Variants in CRTC3 observed in about 807,000 individuals in gnomAD.
The protein encoded by CRTC3 is CREB-regulated transcription coactivator 3.
Under a neutral mutation model 74.5 loss-of-function variants are expected in CRTC3, and 26 were observed. The ratio of observed to expected loss-of-function variants is 0.35; its 90% CI spans 0.26 to 0.48. The LOEUF is 0.48. CRTC3 is among the 20% of genes least tolerant of loss of function. CRTC3 has a pLI of 0.99. For missense variants in CRTC3, 760 were observed against 787.3 expected (o/e 0.97, Z 0.41); for synonymous variants, 377 against 325.8 (o/e 1.16, Z -1.69).
intron 2 of CRTC3, among the ~76,000 whole-genome samples, chr15:90,547,540 A>T (rs564703472): frequency 1.3e-5 from 2 of 152,292 alleles, no homozygotes; most frequent in South Asian, 2.1e-4. Context: ...AAGAACGTAG[A>T]CTTATCAGAT....
Position 90,644,700 on chromosome 15 carries a change from A to C in CRTC3, c.*2560A>C, listed in dbSNP as rs140165563. 2 of 232,640 alleles carry C rather than the reference A, an allele frequency of 8.6e-6. No individual in the cohort carries two copies. The highest frequency in any genetic ancestry group is 4.4e-5 in the African/African-American group (2 of 45,422). 14.4% of individuals were successfully genotyped at this position (232,640 alleles called of 1,614,324 possible). On this transcript the variant is annotated 3_prime_UTR_variant, in exon 15 of 15. Coordinates refer to ENST00000268184, the MANE Select transcript of CRTC3 (RefSeq NM_022769.5). ...AACCCACTCTGCCTAGAAGGTGTGGAGGACTCACCACGGGCAGGGTCGCCC... is the reference window on the plus strand; with the variant it reads ...AACCCACTCTGCCTAGAAGGTGTGGCGGACTCACCACGGGCAGGGTCGCCC...
At chr15:90,583,388 A>G (rs1967587090) in intron 2 of CRTC3, among the ~76,000 whole-genome samples, 1 of 152,216 alleles carries the variant, frequency 6.6e-6, no homozygotes, top group South Asian at 2.1e-4. Flanking sequence ...GTCCTAAATC[A>G]GCAGGTTGGG....
chr15:90,625,267 G>C (rs777412650), intron 9 of CRTC3, among the ~76,000 whole-genome samples: 1 of 152,236 alleles, frequency 6.6e-6, no homozygotes, highest in Non-Finnish European at 1.5e-5. Context: ...CATGCGGCCC[G>C]CTGCCTGGCA....
intron 2 of CRTC3, among the ~76,000 whole-genome samples, chr15:90,547,652 A>AGGCAGG (rs2151059850): frequency 6.6e-6 from 1 of 152,278 alleles, no homozygotes; most frequent in East Asian, 1.9e-4. Flanking sequence ...TCATGTCTCT[A>AGGCAGG]GGCAGGGCCT....
chr15:90,564,492 G>A (rs866322604), intron 2 of CRTC3, among the ~76,000 whole-genome samples: 3 of 152,004 alleles, frequency 2.0e-5, no homozygotes, highest in East Asian at 1.9e-4. Flanking sequence ...TCTGCCCTAC[G>A]TCTGGCCTTT....
intron 4 of CRTC3, 102 bp downstream of exon 4, chr15:90,602,487 C>A: frequency 1.4e-6 from 1 of 710,316 alleles, no homozygotes; most frequent in Non-Finnish European, 2.5e-6. Context: ...TAATATAAAG[C>A]ATAGAATCCT....
In CRTC3 at chr15:90,602,346, C is replaced by A; in HGVS notation, c.374C>A (p.Ala125Asp). The stretch of plus-strand genomic sequence containing the variant: ...TACTTTGATGGTAGTGCTTTTGGAG[C>A]CAATTATTCCTCACAGCCTCTGGAT... ...GRQFDGSAFGANYSSQPLDES... is the reference protein window; with the variant it reads ...GRQFDGSAFGDNYSSQPLDES... The change falls in exon 4 of 15, where the codon GCC becomes GAC. Residue 125 changes from alanine to aspartate, a missense_variant. By Grantham distance (126) the Ala-to-Asp change is moderately radical. Transcript: ENST00000268184. The A allele has an allele frequency of 1.3e-6, 2 of 1,598,880 alleles. No individual in the cohort carries two copies. The highest frequency in any genetic ancestry group is 1.7e-6 in the Non-Finnish European group (2 of 1,167,124).
intron 1 of CRTC3, among the ~76,000 whole-genome samples, chr15:90,533,304 TGCGGCAGGAG>T (rs1966662282): frequency 2.0e-5 from 3 of 149,504 alleles, no homozygotes; most frequent in Non-Finnish European, 4.4e-5. Context: ...CTCGGGAGGC[TGCGGCAGGAG>T]GGAGGCTGCG....
At chr15:90,589,000 T>C (rs1056214246) in intron 2 of CRTC3, among the ~76,000 whole-genome samples, 1 of 152,238 alleles carries the variant, frequency 6.6e-6, no homozygotes, top group African/African-American at 2.4e-5. Flanking sequence ...GAACTGTTTC[T>C]TTGACTCCGA....
chr15:90,599,340 C>T (rs1233246860), intron 3 of CRTC3: 1 of 152,186 alleles, frequency 6.6e-6, no homozygotes, highest in Admixed American at 6.5e-5. Flanking sequence ...TCCGCTGGCA[C>T]GCTGGCACCT....
chr15:90,619,685 A>G, intron 8 of CRTC3, 56 bp from the exon 9 acceptor site: 1 of 1,535,326 alleles, frequency 6.5e-7, no homozygotes, highest in Non-Finnish European at 9.0e-7. Flanking sequence ...ACACTTTTCA[A>G]AAACTTGAAT....
intron 10 of CRTC3, among the ~76,000 whole-genome samples, chr15:90,626,870 C>G (rs1372183191): frequency 6.6e-6 from 1 of 152,226 alleles, no homozygotes. Context: ...CCGCCTTGGC[C>G]TCCCAAAGTG....
chr15:90,547,912 G>A (rs1367607521), intron 2 of CRTC3, among the ~76,000 whole-genome samples: 2 of 96,406 alleles, frequency 2.1e-5, no homozygotes, highest in African/African-American at 8.1e-5. Flanking sequence ...TTTTTTTTGT[G>A]ACAAGGTCTC....
At chr15:90,600,972 T>G (rs1968053869) in intron 3 of CRTC3, among the ~76,000 whole-genome samples, 1 of 152,182 alleles carries the variant, frequency 6.6e-6, no homozygotes, top group Non-Finnish European at 1.5e-5. Context: ...AGGCTGTGTT[T>G]GTGGAACTCA....
chr15:90,561,949 T>G (rs947083485), intron 2 of CRTC3, among the ~76,000 whole-genome samples: 4 of 152,250 alleles, frequency 2.6e-5, no homozygotes, highest in African/African-American at 9.6e-5. Context: ...CAGGCCTTGA[T>G]GCCAGACATT....
chr15:90,563,045 G>A (rs569422955), intron 2 of CRTC3, among the ~76,000 whole-genome samples: 2 of 152,300 alleles, frequency 1.3e-5, no homozygotes, highest in African/African-American at 4.8e-5. Flanking sequence ...CTACCAGTCC[G>A]TGCCTGCTTA....
intron 2 of CRTC3, among the ~76,000 whole-genome samples, chr15:90,567,914 C>T (rs191703836): frequency 1.8e-4 from 28 of 152,206 alleles, no homozygotes; most frequent in South Asian, 4.1e-4. Context: ...ATAGTGATTC[C>T]GCTGATGGAT....
chr15:90,641,757 G>T (rs1383432991), intron 14 of CRTC3, among the ~76,000 whole-genome samples, 175 bp from the exon 15 acceptor site: 3 of 152,144 alleles, frequency 2.0e-5, no homozygotes, highest in Non-Finnish European at 2.9e-5. Context: ...AAAATTGGGA[G>T]TTGTGCAACT....
chr15:90,603,732 CTCCA>C (rs1383102770), intron 4 of CRTC3, among the ~76,000 whole-genome samples: 3 of 152,168 alleles, frequency 2.0e-5, no homozygotes, highest in South Asian at 2.1e-4. Context: ...GAAGTCTACT[CTCCA>C]TCCATTCTCT....
Sources: gnomAD v4.1 joint callset for allele counts (sites outside exome capture counted in the v4.1 genomes callset) on GRCh38, gnomAD v4.1.1 for gene constraint, MANE v1.5 for transcripts, NCBI Gene and HGNC (gene_info 2026-07-23, HGNC 2026-07-21) for gene names.